SNTB2: variants seen among roughly 807,000 people sequenced by gnomAD.
SNTB2 encodes the protein beta-2-syntrophin.
A neutral mutation model predicts 46.2 loss-of-function variants in SNTB2; 34 were observed. That is an observed-to-expected ratio of 0.74 (90% CI 0.56 to 0.98). The LOEUF (loss-of-function observed/expected upper bound fraction) is 0.98. SNTB2 is among the 50% of genes least tolerant of loss of function. The pLI, the probability that SNTB2 is intolerant of heterozygous loss-of-function variation, is 0.00. For missense variants in SNTB2, 603 were observed against 731.4 expected, an observed-to-expected ratio of 0.82 and a Z score of 2.02; for synonymous variants, 290 against 312.6, an observed-to-expected ratio of 0.93 and a Z score of 0.76.
intron 1 of SNTB2, among the ~76,000 whole-genome samples, chr16:69,195,506 C>T (rs1964096767): frequency 6.6e-6 from 1 of 151,036 alleles, no homozygotes; most frequent in South Asian, 2.1e-4. Context: ...CTAATTTAAG[C>T]AGAAGTGGAA....
At chr16:69,281,038 G>A (rs1017582671) in intron 4 of SNTB2, among the ~76,000 whole-genome samples, 32 of 151,968 alleles carry the variant, frequency 2.1e-4, no homozygotes, top group Middle Eastern at 3.2e-3. Flanking sequence ...ACCGTGATCC[G>A]CCCGCCTCGG....
At chr16:69,211,536 GAAA>G (rs71254074) in intron 1 of SNTB2, among the ~76,000 whole-genome samples, 3 of 96,046 alleles carry the variant, frequency 3.1e-5, no homozygotes, top group Admixed American at 1.1e-4. Context: ...CATCTCAAGG[GAAA>G]AAAAAAAAAA....
intron 1 of SNTB2, among the ~76,000 whole-genome samples, chr16:69,224,606 T>C (rs1349467672): frequency 6.6e-6 from 1 of 152,238 alleles, no homozygotes; most frequent in Non-Finnish European, 1.5e-5. Context: ...AATCATTGGA[T>C]CTTGCCTGCA....
At chr16:69,191,005 A>T (rs1265253137) in intron 1 of SNTB2, 1 of 152,146 alleles carries the variant, frequency 6.6e-6, no homozygotes, top group Admixed American at 6.6e-5. Context: ...GTTAACAAAG[A>T]CACTCTCAAA....
At chr16:69,250,119 T>C (rs978488785) in intron 2 of SNTB2, among the ~76,000 whole-genome samples, 3 of 152,308 alleles carry the variant, frequency 2.0e-5, no homozygotes, top group Non-Finnish European at 4.4e-5. Flanking sequence ...GCAAATGATT[T>C]GCTTTTTGTA....
At chr16:69,299,316 T>C (rs1407738203) in intron 5 of SNTB2, among the ~76,000 whole-genome samples, 1 of 151,972 alleles carries the variant, frequency 6.6e-6, no homozygotes, top group Non-Finnish European at 1.5e-5. Flanking sequence ...CTAATTTTTA[T>C]ATTTTTAGTA....
In SNTB2 at chr16:69,289,004, T is replaced by C. The variant is rs529512622; in HGVS notation, c.1345+4760T>C. On this transcript the variant is annotated intron_variant, in intron 5 of 6. Transcript: ENST00000336278. The stretch of plus-strand genomic sequence containing the variant: ...TAAAAAAGTGGCCAGGCGTGGTGGC[T>C]CACACCTATAATCCCAGCACTTTGG... Among the ~76,000 whole-genome samples, 5 of 152,214 alleles carry C rather than the reference T, an allele frequency of 3.3e-5. No homozygotes were observed. In the South Asian group the frequency reaches 1.0e-3, roughly 32 times the overall value.
At position 69,285,577 on chromosome 16, in the gene SNTB2, G is replaced by GT. The variant is rs1204969552; in HGVS notation, c.1345+1336dup. On this transcript the variant is annotated intron_variant, in intron 5 of 6. Coordinates refer to ENST00000336278, the MANE Select transcript of SNTB2 (RefSeq NM_006750.4). ...TCACTGCAGCCTTGAACTCTCCTGTGTTTAAGTGATCCTCCCTCAAGCCTC... is the reference window on the plus strand; with the variant it reads ...TCACTGCAGCCTTGAACTCTCCTGTGTTTTAAGTGATCCTCCCTCAAGCCTC... Among the ~76,000 whole-genome samples, 15 of 149,468 alleles carry GT rather than the reference G, an allele frequency of 1.0e-4. No individual in the cohort carries two copies. The East Asian group carries it at 2.8e-3, about 28-fold the overall frequency.
Position 69,217,401 on chromosome 16 carries a change from G to T in SNTB2, c.581-28201G>T, listed in dbSNP as rs557875236. ...AGGTGGAAGGATTGCTTGAACCCAG[G>T]ACATTGAGGCTGTAGTGACTGTGAT... On this transcript the variant is annotated intron_variant, in intron 1 of 6. Coordinates refer to ENST00000336278, the MANE Select transcript of SNTB2 (RefSeq NM_006750.4). Among the ~76,000 whole-genome samples the T allele has an allele frequency of 7.2e-5, 11 of 152,218 alleles. 1 individual carries two copies. The South Asian group carries it at 2.3e-3, about 32-fold the overall frequency.
chr16:69,299,568 GT>G (rs771407334), intron 5 of SNTB2, 21 bp from the exon 6 acceptor site: 3 of 1,607,978 alleles, frequency 1.9e-6, no homozygotes, highest in South Asian at 2.2e-5. Flanking sequence ...TACAACTAAT[GT>G]TTTTTGCTTT....
intron 1 of SNTB2, among the ~76,000 whole-genome samples, chr16:69,209,353 G>C (rs1691002794): frequency 6.6e-6 from 1 of 152,140 alleles, no homozygotes; most frequent in African/African-American, 2.4e-5. Context: ...CTGTATTGCT[G>C]CTTCTACCAA....
chr16:69,241,700 C>T (rs1053424178), intron 1 of SNTB2, among the ~76,000 whole-genome samples: 14 of 150,906 alleles, frequency 9.3e-5, no homozygotes, highest in African/African-American at 3.4e-4. Context: ...GAGGCCAAGG[C>T]GGGTGGATTG....
chr16:69,270,848 G>A (rs1964930472), intron 4 of SNTB2, among the ~76,000 whole-genome samples: 1 of 152,198 alleles, frequency 6.6e-6, no homozygotes, highest in Non-Finnish European at 1.5e-5. Flanking sequence ...TTAGACTTGG[G>A]AGCCAAGGTG....
chr16:69,288,331 G>A (rs1269452823), intron 5 of SNTB2, among the ~76,000 whole-genome samples: 4 of 152,172 alleles, frequency 2.6e-5, no homozygotes, highest in Non-Finnish European at 5.9e-5. Flanking sequence ...TAAATATGAT[G>A]GCTAGAGGAA....
At chr16:69,215,845 C>G (rs1340176653) in intron 1 of SNTB2, among the ~76,000 whole-genome samples, 3 of 152,312 alleles carry the variant, frequency 2.0e-5, no homozygotes. Context: ...ATCTGTCACC[C>G]AGGCTGGAGT....
intron 1 of SNTB2, among the ~76,000 whole-genome samples, chr16:69,227,842 T>C (rs894042346): frequency 7.4e-3 from 131 of 17,736 alleles, no homozygotes; most frequent in Non-Finnish European, 0.028. Context: ...TTTCTCTGGA[T>C]TTTTTTTTTT....
intron 5 of SNTB2, among the ~76,000 whole-genome samples, chr16:69,297,212 C>G (rs536748393): frequency 7.0e-6 from 1 of 142,222 alleles, no homozygotes; most frequent in Non-Finnish European, 1.5e-5. Context: ...GAGGCTAAGG[C>G]ATGAGAATTG....
At chr16:69,239,502 T>C (rs1964589689) in intron 1 of SNTB2, among the ~76,000 whole-genome samples, 1 of 152,150 alleles carries the variant, frequency 6.6e-6, no homozygotes. Flanking sequence ...ATATCCCTTC[T>C]CACCCCTAAC....
chr16:69,203,892 AATT>A (rs368539801), intron 1 of SNTB2, among the ~76,000 whole-genome samples: 11 of 150,770 alleles, frequency 7.3e-5, no homozygotes, highest in East Asian at 2.0e-4. Context: ...TCAGCCTCCC[AATT>A]ATTATTATTA....
Sources: allele counts gnomAD v4.1 joint callset (sites outside exome capture counted in the v4.1 genomes callset), GRCh38; gene constraint gnomAD v4.1.1; transcripts MANE v1.5; gene names NCBI Gene and HGNC (gene_info 2026-07-23, HGNC 2026-07-21).